The following GRM7 variants were observed in gnomAD, a reference collection of about 807,000 sequenced individuals.
The protein encoded by GRM7 is metabotropic glutamate receptor 7.
A neutral mutation model predicts 84.5 loss-of-function variants in GRM7; 35 were observed. The ratio of observed to expected loss-of-function variants is 0.41; its 90% confidence interval spans 0.32 to 0.55. The LOEUF is 0.55. GRM7 is among the 20% of genes least tolerant of loss of function. The pLI is 0.19. For missense variants in GRM7, 1,003 were observed against 1,194.6 expected, an observed-to-expected ratio of 0.84 and a Z score of 2.36; for synonymous variants, 487 against 455.1, an observed-to-expected ratio of 1.07 and a Z score of -0.89.
At chr3:7,410,762 A>G (rs1695901157) in intron 4 of GRM7, among the ~76,000 whole-genome samples, 1 of 152,104 alleles carries the variant, frequency 6.6e-6, no homozygotes, top group Non-Finnish European at 1.5e-5. Flanking sequence ...GTGACATCTG[A>G]GAACAATGTT....
intron 7 of GRM7, among the ~76,000 whole-genome samples, chr3:7,577,316 C>A (rs919112831): frequency 2.2e-4 from 34 of 152,262 alleles, no homozygotes; most frequent in African/African-American, 7.9e-4. Context: ...GAAAATCTTG[C>A]AAACTCTATT....
chr3:7,240,729 G>T (rs1191150672), intron 2 of GRM7, among the ~76,000 whole-genome samples: 1 of 152,120 alleles, frequency 6.6e-6, no homozygotes, highest in Non-Finnish European at 1.5e-5. Flanking sequence ...AGGTAGCATG[G>T]TTTTTAGCAT....
intron 1 of GRM7, among the ~76,000 whole-genome samples, chr3:7,070,165 C>T (rs1425515105): frequency 6.6e-6 from 1 of 151,658 alleles, no homozygotes; most frequent in African/African-American, 2.4e-5. Flanking sequence ...TAACAGTTTC[C>T]AAAGTGTATT....
chr3:7,722,441 C>T (rs891865160), intron 9 of GRM7, among the ~76,000 whole-genome samples: 17 of 118,786 alleles, frequency 1.4e-4, no homozygotes, highest in African/African-American at 5.7e-4. Context: ...GGTGACAATC[C>T]TTGTGTCTTT....
chr3:7,675,024 G>A (rs768159739), intron 8 of GRM7, among the ~76,000 whole-genome samples: 1 of 152,122 alleles, frequency 6.6e-6, no homozygotes, highest in African/African-American at 2.4e-5. Flanking sequence ...TTGACACCAC[G>A]AAATAGCCGC....
chr3:7,554,962 T>C (rs1012191996), intron 7 of GRM7, among the ~76,000 whole-genome samples: 22 of 152,118 alleles, frequency 1.4e-4, no homozygotes, highest in East Asian at 1.9e-4. Context: ...AGTGATCTCT[T>C]AGGGTGGTCA....
chr3:6,923,038 C>T (rs1320893465), intron 1 of GRM7, among the ~76,000 whole-genome samples: 7 of 151,574 alleles, frequency 4.6e-5, no homozygotes, highest in Non-Finnish European at 7.4e-5. Context: ...TTTTTTGCAA[C>T]GGAGTCTTGC....
chr3:7,427,277 G>A (rs1473193407), intron 5 of GRM7, among the ~76,000 whole-genome samples: 1 of 152,100 alleles, frequency 6.6e-6, no homozygotes, highest in Non-Finnish European at 1.5e-5. Flanking sequence ...GAAATGTATT[G>A]GTCTCTCAGC....
intron 8 of GRM7, among the ~76,000 whole-genome samples, chr3:7,582,489 T>A (rs1010212359): frequency 2.0e-5 from 3 of 152,062 alleles, no homozygotes; most frequent in African/African-American, 7.2e-5. Flanking sequence ...TCTTCCTTTG[T>A]GTATAAGTGT....
chr3:7,434,831 C>A (rs1226707654), intron 5 of GRM7, among the ~76,000 whole-genome samples: 1 of 152,108 alleles, frequency 6.6e-6, no homozygotes, highest in East Asian at 1.9e-4. Flanking sequence ...ATGTCCCCAC[C>A]TCTTCTACTC....
At chr3:7,129,167 T>A (rs1020157301) in intron 1 of GRM7, among the ~76,000 whole-genome samples, 19 of 152,188 alleles carry the variant, frequency 1.2e-4, no homozygotes, top group African/African-American at 4.6e-4. Flanking sequence ...CCTAATGGAA[T>A]TGTATTTTTG....
In GRM7 at chr3:7,678,484, C is replaced by T. The variant is rs973298448; in HGVS notation, c.2452-1565C>T. Among the ~76,000 whole-genome samples, 5 of 152,108 alleles carry T rather than the reference C, an allele frequency of 3.3e-5. No homozygotes were observed. The South Asian group carries it at 1.0e-3, about 32-fold the overall frequency. ...AAAAATTGTCTATGTCTATAAAGCC[C>T]TGTGACCATGTAAAGCCTTTCTTGA... On this transcript the variant is annotated intron_variant, in intron 8 of 9. Coordinates refer to ENST00000357716, the MANE Select transcript of GRM7 (RefSeq NM_000844.4).
At chr3:7,605,242 A>T (rs548518030) in intron 8 of GRM7, among the ~76,000 whole-genome samples, 21 of 152,290 alleles carry the variant, frequency 1.4e-4, no homozygotes, top group African/African-American at 4.3e-4. Context: ...AGCTCTCTGT[A>T]GATGACAGAG....
chr3:7,674,138 A>G (rs749456978), intron 8 of GRM7, among the ~76,000 whole-genome samples: 2 of 152,182 alleles, frequency 1.3e-5, no homozygotes, highest in Non-Finnish European at 2.9e-5. Flanking sequence ...TACACTATGA[A>G]GAAATGATTT....
At chr3:7,217,298 T>C (rs1367563785) in intron 2 of GRM7, among the ~76,000 whole-genome samples, 2 of 152,208 alleles carry the variant, frequency 1.3e-5, no homozygotes, top group Non-Finnish European at 2.9e-5. Context: ...GTGTACTGAC[T>C]GACCTAATTC....
rs1394482268 is a variant in GRM7, at chr3:7,260,672, A to AG, written c.737-38012_737-38011insG. ...ACTCCTGGATTTGTTGTTCTTTTGA[A>AG]TTGTGTGTGTGTGTGTGTGTGTGTG... On this transcript the variant is annotated intron_variant, in intron 2 of 9. Coordinates refer to ENST00000357716, the MANE Select transcript of GRM7 (RefSeq NM_000844.4). Among the ~76,000 whole-genome samples the AG allele has an allele frequency of 1.1e-3, 48 of 43,352 alleles. No homozygotes were observed. The South Asian group carries it at 0.011, about 10-fold the overall frequency. 28.4% of individuals were successfully genotyped at this position (43,352 alleles called of 152,430 possible).
chr3:7,584,424 C>T (rs144214851), intron 8 of GRM7, among the ~76,000 whole-genome samples: 2 of 152,252 alleles, frequency 1.3e-5, no homozygotes, highest in African/African-American at 4.8e-5. Flanking sequence ...TCCTTTAATG[C>T]AATGCCACCA....
intron 9 of GRM7, among the ~76,000 whole-genome samples, chr3:7,738,580 G>C (rs1002823233): frequency 4.6e-5 from 7 of 152,110 alleles, no homozygotes; most frequent in Non-Finnish European, 2.9e-5. Flanking sequence ...AACTCTTCCT[G>C]AGAAATTAGT....
intron 1 of GRM7, among the ~76,000 whole-genome samples, chr3:6,864,964 T>C (rs1694890683): frequency 6.6e-6 from 1 of 152,212 alleles, no homozygotes; most frequent in African/African-American, 2.4e-5. Flanking sequence ...CTTTCTCTCC[T>C]CTCTTTACAC....
Sources: allele counts gnomAD v4.1 joint callset (sites outside exome capture counted in the v4.1 genomes callset), GRCh38; gene constraint gnomAD v4.1.1; transcripts MANE v1.5; gene names NCBI Gene and HGNC (gene_info 2026-07-23, HGNC 2026-07-21).